Variants in CERS3 observed in about 807,000 individuals in gnomAD.
The protein encoded by CERS3 is LAG1 homolog, ceramide synthase 3.
A neutral mutation model predicts 50.3 loss-of-function variants in CERS3; 33 were observed. The observed-to-expected ratio is 0.66, with a 90% CI of 0.50 to 0.88. The LOEUF (loss-of-function observed/expected upper bound fraction) is 0.88, where lower values mean the gene tolerates loss of function less well. CERS3 is among the 40% of genes least tolerant of loss of function. CERS3 has a pLI of 0.00. For synonymous variants in CERS3, 176 were observed against 155.2 expected (o/e 1.13, Z -0.99); for missense variants, 470 against 460.3 (o/e 1.02, Z -0.19).
chr15:100,499,484 A>C (rs753215029), intron 3 of CERS3, among the ~76,000 whole-genome samples: 1 of 152,194 alleles, frequency 6.6e-6, no homozygotes, highest in Non-Finnish European at 1.5e-5. Context: ...TTTGTTTCTC[A>C]TCTGTCTGTC....
At chr15:100,470,679 T>G (rs1377865339) in intron 9 of CERS3, among the ~76,000 whole-genome samples, 1 of 152,186 alleles carries the variant, frequency 6.6e-6, no homozygotes, top group African/African-American at 2.4e-5. Flanking sequence ...TTCTGGATTG[T>G]GTAATGATGA....
At chr15:100,421,096 G>A (rs2032390807) in intron 11 of CERS3, among the ~76,000 whole-genome samples, 1 of 150,880 alleles carries the variant, frequency 6.6e-6, no homozygotes, top group Non-Finnish European at 1.5e-5. Context: ...AATTAGGCAG[G>A]AGAAGGAAAT....
At chr15:100,541,199 G>A (rs1409999640) in intron 1 of CERS3, among the ~76,000 whole-genome samples, 2 of 152,168 alleles carry the variant, frequency 1.3e-5, no homozygotes, top group South Asian at 2.1e-4. Flanking sequence ...GAGATATGAA[G>A]AAAACCATAA....
chr15:100,464,062 T>C (rs1319762163), intron 10 of CERS3, among the ~76,000 whole-genome samples: 1 of 152,184 alleles, frequency 6.6e-6, no homozygotes, highest in Non-Finnish European at 1.5e-5. Flanking sequence ...TAATATTCCC[T>C]TTCACATGTG....
intron 3 of CERS3, among the ~76,000 whole-genome samples, chr15:100,492,638 G>A (rs185173207): frequency 1.3e-5 from 2 of 152,024 alleles, no homozygotes; most frequent in Admixed American, 6.6e-5. Flanking sequence ...TAGTTGGATC[G>A]TGTTTTCCTA....
intron 10 of CERS3, among the ~76,000 whole-genome samples, chr15:100,460,380 A>G (rs2034510271): frequency 6.6e-6 from 1 of 152,188 alleles, no homozygotes; most frequent in Admixed American, 6.5e-5. Context: ...AATGAATGAG[A>G]GGGACCAAAA....
chr15:100,525,977 C>G (rs571988676), intron 1 of CERS3, among the ~76,000 whole-genome samples: 1 of 152,118 alleles, frequency 6.6e-6, no homozygotes, highest in Non-Finnish European at 1.5e-5. Flanking sequence ...TCAATTAGAT[C>G]GTTGTATTGT....
At chr15:100,531,312 C>A (rs767216562), upstream of CERS3, among the ~76,000 whole-genome samples, 27 of 152,308 alleles carry the variant, frequency 1.8e-4, no homozygotes, top group East Asian at 2.5e-3. Flanking sequence ...AATTCTTCCC[C>A]CTTCTTCAGG....
intron 3 of CERS3, among the ~76,000 whole-genome samples, chr15:100,501,078 C>A (rs955015581): frequency 2.0e-5 from 3 of 152,106 alleles, no homozygotes; most frequent in Admixed American, 6.5e-5. Flanking sequence ...GAAATAATAT[C>A]CATTTAAATT....
intron 8 of CERS3, among the ~76,000 whole-genome samples, chr15:100,474,082 AC>A (rs2035051091): frequency 6.6e-6 from 1 of 152,224 alleles, no homozygotes; most frequent in African/African-American, 2.4e-5. Flanking sequence ...CAGAAGAGGC[AC>A]ATCTATAGAG....
At chr15:100,410,641 T>C (rs901379804) in intron 11 of CERS3, among the ~76,000 whole-genome samples, 3 of 152,180 alleles carry the variant, frequency 2.0e-5, no homozygotes, top group African/African-American at 4.8e-5. Flanking sequence ...GCTTCTCCTT[T>C]TCTTTTGAGG....
chr15:100,404,547 C>T (rs1301925833), intron 11 of CERS3, among the ~76,000 whole-genome samples: 1 of 152,122 alleles, frequency 6.6e-6, no homozygotes, highest in Non-Finnish European at 1.5e-5. Context: ...TATTAATTAT[C>T]CCCAAATTAT....
At position 100,472,954 on chromosome 15, in the gene CERS3, A is replaced by C. The variant is rs2035014786; in HGVS notation, c.708T>G (p.Ile236Met). The C allele has an allele frequency of 3.7e-6, 6 of 1,613,928 alleles. No individual in the cohort carries two copies. The highest frequency in any genetic ancestry group is 2.7e-5 in the African/African-American group (2 of 74,914). Residue 236 changes from isoleucine (I) to methionine (M), a missense_variant, in exon 9 of 12, where the codon ATT becomes ATG. Ile to Met is a conservative substitution (Grantham distance 10). Coordinates refer to ENST00000679737, the MANE Select transcript of CERS3 (RefSeq NM_001378789.1). ...NYIRSGTLVM[I>M]VHDVADIWLE... ...GCCAAATGTCAGCCACATCGTGTAC[A>C]ATCATCACGAGGGTCCCACTGCGAA...
intron 2 of CERS3, among the ~76,000 whole-genome samples, chr15:100,513,312 CT>C: frequency 6.6e-6 from 1 of 152,278 alleles, no homozygotes; most frequent in African/African-American, 2.4e-5. Context: ...GTGTCAGAGG[CT>C]TTTTCTCCAA....
chr15:100,434,805 G>A (rs1250046240), intron 11 of CERS3, among the ~76,000 whole-genome samples: 3 of 152,180 alleles, frequency 2.0e-5, no homozygotes, highest in African/African-American at 4.8e-5. Context: ...TTCCATATAC[G>A]ACATCTGTGT....
At chr15:100,466,537 A>C (rs1432366135) in intron 10 of CERS3, among the ~76,000 whole-genome samples, 1 of 152,192 alleles carries the variant, frequency 6.6e-6, no homozygotes, top group African/African-American at 2.4e-5. Context: ...GTGACTACTG[A>C]GGCTGTTTAT....
At chr15:100,466,754 T>G (rs1189832840) in intron 10 of CERS3, among the ~76,000 whole-genome samples, 22 of 19,430 alleles carry the variant, frequency 1.1e-3, no homozygotes, top group African/African-American at 2.0e-3. Context: ...CCTTCCTTCC[T>G]TCCTTCCTTC....
chr15:100,472,855 A>G, intron 9 of CERS3, 69 bp downstream of exon 9: 1 of 1,574,764 alleles, frequency 6.4e-7, no homozygotes, highest in Admixed American at 1.7e-5. Context: ...GCTCACAATT[A>G]CTTCTGTGAG....
At chr15:100,533,741 G>A (rs1373217445), upstream of CERS3, among the ~76,000 whole-genome samples, 1 of 151,868 alleles carries the variant, frequency 6.6e-6, no homozygotes, top group African/African-American at 2.4e-5. Context: ...TGTGTTTTTA[G>A]TAGAGACAGG....
Sources: gnomAD v4.1 joint callset for allele counts (sites outside exome capture counted in the v4.1 genomes callset) on GRCh38, gnomAD v4.1.1 for gene constraint, MANE v1.5 for transcripts, NCBI Gene and HGNC (gene_info 2026-07-23, HGNC 2026-07-21) for gene names.